CHST1: variants seen among roughly 807,000 people sequenced by gnomAD.
The protein encoded by CHST1 is carbohydrate sulfotransferase 1, also known as Keratan sulfotransferase.
CHST1 carries 10 observed loss-of-function variants against 22.5 expected under a neutral mutation model. The ratio of observed to expected loss-of-function variants is 0.44; its 90% CI spans 0.27 to 0.75. CHST1 has a LOEUF of 0.75. CHST1 is among the 30% of genes least tolerant of loss of function. The pLI is 0.15. For missense variants in CHST1, 439 were observed against 576.1 expected, an observed-to-expected ratio of 0.76 and a Z score of 2.44; for synonymous variants, 267 against 264.5, an observed-to-expected ratio of 1.01 and a Z score of -0.09.
intron 1 of CHST1, among the ~76,000 whole-genome samples, chr11:45,657,554 G>A (rs559353235): frequency 4.6e-5 from 7 of 152,344 alleles, no homozygotes; most frequent in East Asian, 1.9e-4. Context: ...AGCTCTGTGC[G>A]TGTGCCACCA....
In CHST1 at chr11:45,649,435, ATCCATG is replaced by A. The variant is rs2120312373; in HGVS notation, c.*247_*252del. 2.1e-6 allele frequency: 1 copy of A among 468,010 alleles called. No homozygotes were observed. The highest frequency in any genetic ancestry group is 3.3e-5 in the East Asian group (1 of 30,322). The allele number at this position is 468,010 out of a possible 1,614,324, so 29.0% of individuals were successfully genotyped here. ...GTCACCGTCCGCACAGAGACCCAAC[ATCCATG>A]TGTCTGAATGGGGGGGGGGGGGGCG... is the stretch of plus-strand genomic sequence containing the variant. On this transcript the variant is annotated 3_prime_UTR_variant, in exon 4 of 4. Coordinates refer to ENST00000308064, the MANE Select transcript of CHST1 (RefSeq NM_003654.6).
chr11:45,661,091 G>A (rs935699796), intron 1 of CHST1, among the ~76,000 whole-genome samples: 1 of 152,244 alleles, frequency 6.6e-6, no homozygotes, highest in African/African-American at 2.4e-5. Context: ...TGAAGGAAAC[G>A]CAGGCAGGGT....
Position 45,654,331 on chromosome 11 carries a change from G to A in CHST1, c.-226-1725C>T, listed in dbSNP as rs114298368. Among the ~76,000 whole-genome samples the A allele has an allele frequency of 3.4e-3, 520 of 152,370 alleles. 2 individuals are homozygous for A. The highest frequency in any genetic ancestry group is 0.012 in the African/African-American group (497 of 41,586). On this transcript the variant is annotated intron_variant, in intron 1 of 3. Coordinates refer to ENST00000308064, the MANE Select transcript of CHST1 (RefSeq NM_003654.6). The stretch of plus-strand genomic sequence containing the variant: ...ACAGCGAGACTCGGCCTCACAAGGT[G>A]TGGCCTGGACACCGAGGAGGGGCAT...
intron 1 of CHST1, among the ~76,000 whole-genome samples, chr11:45,653,712 A>T (rs956145010): frequency 1.3e-5 from 2 of 152,232 alleles, no homozygotes; most frequent in African/African-American, 4.8e-5. Flanking sequence ...ATTTATTCAC[A>T]GACATCTATC....
chr11:45,650,394 T>A lies in CHST1; in HGVS notation c.530A>T (p.Glu177Val), dbSNP rs1201590300. ...GCACTTGCGCACACAGTCCCCCTCC[T>A]CCAGGACCAGGTCGGCTGGCCCCGG... ...DPPGPADLVL[E>V]EGDCVRKCGL... Residue 177 changes from glutamate to valine, a missense_variant, in exon 4 of 4, where the codon GAG becomes GTG. Glu to Val is a moderately radical substitution (Grantham distance 121). Coordinates refer to ENST00000308064, the MANE Select transcript of CHST1 (RefSeq NM_003654.6). 1.2e-6 allele frequency: 2 copies of A among 1,604,950 alleles called. No individual in the cohort carries two copies. The highest frequency in any genetic ancestry group is 2.2e-5 in the South Asian group (2 of 91,038).
chr11:45,662,376 A>G (rs993290541), intron 1 of CHST1, among the ~76,000 whole-genome samples: 1 of 152,228 alleles, frequency 6.6e-6, no homozygotes, highest in Non-Finnish European at 1.5e-5. Flanking sequence ...TAGGGTCTGA[A>G]CAAAACCCAG....
In CHST1 at chr11:45,655,893, C is replaced by T. The variant is rs541798676; in HGVS notation, c.-226-3287G>A. Among the ~76,000 whole-genome samples, 10 of 152,374 alleles carry T rather than the reference C, an allele frequency of 6.6e-5. No individual in the cohort carries two copies. In the South Asian group the frequency reaches 2.1e-3, roughly 32 times the overall value. The stretch of plus-strand genomic sequence containing the variant: ...CCAGGAAGGCCCCAGACTTCATTCT[C>T]AGGGACAGTTGGGGCCACCCACACA... On this transcript the variant is annotated intron_variant, in intron 1 of 3. Coordinates refer to ENST00000308064, the MANE Select transcript of CHST1 (RefSeq NM_003654.6).
intron 1 of CHST1, among the ~76,000 whole-genome samples, chr11:45,659,386 G>A (rs575147302): frequency 6.6e-6 from 1 of 152,182 alleles, no homozygotes; most frequent in South Asian, 2.1e-4. Context: ...TTGCCGCCAG[G>A]GTCCCAGGAC....
rs1418645494 is a variant in CHST1, at chr11:45,649,694, G to A, written c.1230C>T (p.Phe410=). ...SLVEERDFRP[F]S is the part of the protein sequence containing the mutation. ...CCCACCCGCACCGCCCGGGTCACGA[G>A]AAGGGGCGGAAGTCCCGCTCCTCCA... Residue 410 remains phenylalanine (F), a synonymous_variant, in exon 4 of 4, where the codon TTC becomes TTT. Coordinates refer to ENST00000308064, the MANE Select transcript of CHST1 (RefSeq NM_003654.6). 3 of 1,564,518 alleles carry A rather than the reference G, an allele frequency of 1.9e-6. No homozygotes were observed. Among genetic ancestry groups the A allele is most frequent in the African/African-American group, 2.7e-5 (2 of 73,576 alleles).
chr11:45,650,493 A>G lies in CHST1; in HGVS notation c.431T>C (p.Val144Ala), dbSNP rs1424797447. ...FLENYIKPPP[V>A]NHTTDRIFRR... The stretch of plus-strand genomic sequence containing the variant: ...GAAGATCCTGTCGGTGGTGTGGTTG[A>G]CCGGCGGCGGCTTGATGTAGTTCTC... Residue 144 changes from valine (V) to alanine (A), a missense_variant, in exon 4 of 4, where the codon GTC (valine) becomes GCC (alanine). Val to Ala is a moderately conservative substitution (Grantham distance 64). Coordinates refer to ENST00000308064, the MANE Select transcript of CHST1 (RefSeq NM_003654.6). The G allele has an allele frequency of 6.2e-7, 1 of 1,613,468 alleles. No homozygotes were observed. Among genetic ancestry groups the G allele is most frequent in the Admixed American group, 1.7e-5 (1 of 60,008 alleles).
rs1851962337 is a variant in CHST1 at position 45,649,571 on chromosome 11, A to G, written c.*117T>C. The G allele has an allele frequency of 1.9e-6, 2 of 1,079,894 alleles. No homozygotes were observed. Among genetic ancestry groups the G allele is most frequent in the Non-Finnish European group, 2.7e-6 (2 of 752,578 alleles). The allele number at this position is 1,079,894 out of a possible 1,614,324, so 66.9% of individuals were successfully genotyped here. On this transcript the variant is annotated 3_prime_UTR_variant, in exon 4 of 4. Coordinates refer to ENST00000308064, the MANE Select transcript of CHST1 (RefSeq NM_003654.6). Reference sequence around the variant, plus strand: ...GAAGGGAGTGGGGTGAGCTGGGGGCAGGAAGGACACGAAGATGAGGTGGGA... The same window carrying G: ...GAAGGGAGTGGGGTGAGCTGGGGGCGGGAAGGACACGAAGATGAGGTGGGA...
At chr11:45,658,567 G>A (rs1481271466) in intron 1 of CHST1, among the ~76,000 whole-genome samples, 1 of 152,142 alleles carries the variant, frequency 6.6e-6, no homozygotes, top group African/African-American at 2.4e-5. Flanking sequence ...GGGAGTGGGA[G>A]GGGGGTGGTC....
In CHST1 at chr11:45,665,022, G is replaced by A. The variant is rs1232711953; in HGVS notation, c.-227+156C>T. On this transcript the variant is annotated intron_variant, in intron 1 of 3. Transcript: ENST00000308064. This position sits in a 1 kb window ranked among gnomAD's most constrained non-coding sequence, Gnocchi z 4.0. ...GGCAGCCCCTTCCTGCGCCCAACAC[G>A]CCGCCGTTCCTCGCCGCCGCCACCC... 6.6e-6 allele frequency among the ~76,000 whole-genome samples: 1 copy of A among 152,004 alleles called. No individual in the cohort carries two copies. Among genetic ancestry groups the A allele is most frequent in the African/African-American group, 2.4e-5 (1 of 41,408 alleles).
At chr11:45,663,314 C>T (rs45574437) in intron 1 of CHST1, among the ~76,000 whole-genome samples, 2,569 of 152,210 alleles carry the variant, frequency 0.017, 74 homozygotes, top group African/African-American at 0.059. Context: ...CTATCAGTGT[C>T]GTCAGCACCA....
intron 1 of CHST1, among the ~76,000 whole-genome samples, chr11:45,660,625 C>T (rs943921489): frequency 3.3e-5 from 5 of 152,206 alleles, no homozygotes; most frequent in Non-Finnish European, 7.3e-5. Context: ...GACTGGCACA[C>T]AGTAATCTCT....
intron 1 of CHST1, among the ~76,000 whole-genome samples, chr11:45,656,797 C>T (rs981690665): frequency 6.7e-6 from 1 of 148,606 alleles, no homozygotes; most frequent in African/African-American, 2.5e-5. Context: ...ACTGCTTTTC[C>T]GCCAGAAATG....
rs4148906 is a variant in CHST1, at chr11:45,648,527, C to CA, written c.*1160dup. On this transcript the variant is annotated 3_prime_UTR_variant, in exon 4 of 4. Transcript: ENST00000308064. ...GTGAAACCCCGTCTCTACTAAAATC[C>CA]AAAAAAAAAAAAAAATAGCCAGGTG... Among the ~76,000 whole-genome samples the CA allele has an allele frequency of 3.9e-3, 504 of 128,766 alleles. 5 individuals are homozygous for CA. Among genetic ancestry groups the CA allele is most frequent in the East Asian group, 0.011 (51 of 4,500 alleles). The allele number at this position is 128,766 out of a possible 152,430, so 84.5% of individuals were successfully genotyped here. A position where few individuals can be genotyped will look rare whatever the true frequency, so the allele number is the denominator to read the frequency against.
chr11:45,658,746 C>T (rs1039263646), intron 1 of CHST1, among the ~76,000 whole-genome samples: 10 of 152,082 alleles, frequency 6.6e-5, no homozygotes, highest in African/African-American at 1.7e-4. Flanking sequence ...TTGCGGTAGG[C>T]GGGACTCTAC....
At chr11:45,659,474 C>G (rs995259327) in intron 1 of CHST1, among the ~76,000 whole-genome samples, 6 of 152,158 alleles carry the variant, frequency 3.9e-5, no homozygotes, top group Admixed American at 2.0e-4. Context: ...GGCCATCCCC[C>G]AGGGTCAGGT....
Sources: allele counts gnomAD v4.1 joint callset (sites outside exome capture counted in the v4.1 genomes callset), GRCh38; gene constraint gnomAD v4.1.1; non-coding constraint Gnocchi (gnomAD v3.1); transcripts MANE v1.5; gene names NCBI Gene and HGNC (gene_info 2026-07-23, HGNC 2026-07-21).